The following TRIM37 variants were observed in gnomAD, a reference collection of about 807,000 sequenced individuals.
TRIM37 encodes the protein E3 ubiquitin-protein ligase TRIM37.
TRIM37 carries 80 observed loss-of-function variants against 129.8 expected under a neutral mutation model. That is an observed-to-expected ratio of 0.62 (90% CI 0.51 to 0.74). The LOEUF (loss-of-function observed/expected upper bound fraction) is 0.74, where lower values mean the gene tolerates loss of function less well. Ranked by LOEUF, TRIM37 falls within the 30% of genes least tolerant of loss-of-function variation. TRIM37 has a pLI of 0.00. For missense variants in TRIM37, 1,054 were observed against 1,176.5 expected, an observed-to-expected ratio of 0.90 and a Z score of 1.52; for synonymous variants, 389 against 387.1, an observed-to-expected ratio of 1.00 and a Z score of -0.06.
intron 13 of TRIM37, among the ~76,000 whole-genome samples, chr17:59,053,217 T>C (rs1475581615): frequency 6.6e-6 from 1 of 152,206 alleles, no homozygotes; most frequent in Non-Finnish European, 1.5e-5. Flanking sequence ...GCAGGTAAAA[T>C]TTCTTAACTT....
chr17:59,026,660 C>T (rs1277763231), intron 19 of TRIM37, among the ~76,000 whole-genome samples: 5 of 152,282 alleles, frequency 3.3e-5, no homozygotes, highest in African/African-American at 1.2e-4. Flanking sequence ...CAACAAGAAA[C>T]TATTGACCCC....
chr17:59,017,208 T>C (rs910602210), intron 20 of TRIM37, 88 bp downstream of exon 20: 11 of 1,530,548 alleles, frequency 7.2e-6, no homozygotes, highest in African/African-American at 1.4e-5. Flanking sequence ...TTTGGTGCCC[T>C]TCAAGATCTA....
At chr17:59,036,447 G>GGGTGT (rs1555656622) in intron 17 of TRIM37, among the ~76,000 whole-genome samples, 1 of 140,582 alleles carries the variant, frequency 7.1e-6, no homozygotes, top group Middle Eastern at 3.3e-3. Flanking sequence ...ATTTGCTGGG[G>GGGTGT]GTGTGTGTGT....
intron 18 of TRIM37, among the ~76,000 whole-genome samples, chr17:59,029,194 G>A (rs1052270795): frequency 3.9e-5 from 6 of 152,132 alleles, no homozygotes; most frequent in African/African-American, 1.4e-4. Context: ...TCAGGAGGCT[G>A]AGGTGAGAGA....
intron 4 of TRIM37, 22 bp from the exon 5 acceptor site, chr17:59,084,111 T>C: frequency 1.9e-6 from 3 of 1,583,454 alleles, no homozygotes; most frequent in African/African-American, 2.7e-5. Flanking sequence ...GAAAAGAAAA[T>C]GAAGTTATAA....
rs532786064 is a variant in TRIM37, at chr17:59,068,423, T to C, written c.809+2400A>G. 4.6e-5 allele frequency among the ~76,000 whole-genome samples: 7 copies of C among 152,294 alleles called. No individual in the cohort carries two copies. The East Asian group carries it at 5.8e-4, about 13-fold the overall frequency. ...ACTTAGGTCATCCATGCACCACACT[T>C]TGAATTGAAAAATACTAATTTTTAT... On this transcript the variant is annotated intron_variant, in intron 9 of 23. Coordinates refer to ENST00000262294, the MANE Select transcript of TRIM37 (RefSeq NM_015294.6).
intron 9 of TRIM37, among the ~76,000 whole-genome samples, chr17:59,070,442 G>GA (rs916814092): frequency 4.0e-5 from 6 of 149,794 alleles, no homozygotes; most frequent in South Asian, 2.1e-4. Context: ...GGAGCTCTTG[G>GA]AAAAAAAAAT....
At position 59,015,491 on chromosome 17, in the gene TRIM37, T is replaced by G. The variant is rs967466075; in HGVS notation, c.2576+119A>C. ...AAAATTTAGTGCAATAAATGTATTTTCTGTCCACTAAAAAATTAACAAGGT... is the reference window on the plus strand; with the variant it reads ...AAAATTTAGTGCAATAAATGTATTTGCTGTCCACTAAAAAATTAACAAGGT... On this transcript the variant is annotated intron_variant, in intron 21 of 23. Transcript: ENST00000262294. 7 of 1,051,348 alleles carry G rather than the reference T, an allele frequency of 6.7e-6. No homozygotes were observed. The South Asian group carries it at 9.4e-5, about 14-fold the overall frequency. The allele number at this position is 1,051,348 out of a possible 1,614,324, so 65.1% of individuals were successfully genotyped here. A position where few individuals can be genotyped will look rare whatever the true frequency, so the allele number is the denominator to read the frequency against.
At chr17:58,998,140 A>C (rs116695008), downstream of TRIM37, 12,033 of 845,646 alleles carry the variant, frequency 0.014, 125 homozygotes, top group Middle Eastern at 0.056. Context: ...TACACTACTA[A>C]TGAGGCAATG....
chr17:59,102,796 A>G (rs1403930083), intron 2 of TRIM37, among the ~76,000 whole-genome samples: 1 of 152,216 alleles, frequency 6.6e-6, no homozygotes, highest in Non-Finnish European at 1.5e-5. Context: ...GTGTGACTAG[A>G]AAAAAATTAT....
At chr17:59,028,364 T>C (rs376159168) in intron 19 of TRIM37, 51 bp downstream of exon 19, 28 of 1,553,584 alleles carry the variant, frequency 1.8e-5, no homozygotes, top group Non-Finnish European at 2.3e-5. Context: ...ACCAGTCATC[T>C]AGTTTCCCAA....
At chr17:59,031,814 A>G in intron 18 of TRIM37, 82 bp downstream of exon 18, 1 of 1,393,634 alleles carries the variant, frequency 7.2e-7, no homozygotes, top group Non-Finnish European at 1.0e-6. Context: ...TTCCACACAT[A>G]GCTGAAATAC....
chr17:59,085,483 T>C (rs762518497), intron 4 of TRIM37, among the ~76,000 whole-genome samples: 1 of 152,180 alleles, frequency 6.6e-6, no homozygotes, highest in South Asian at 2.1e-4. Context: ...ACTAGAGAAA[T>C]GTGAATCCTA....
chr17:59,101,364 A>T (rs1175025752), intron 2 of TRIM37, among the ~76,000 whole-genome samples: 1 of 152,170 alleles, frequency 6.6e-6, no homozygotes, highest in East Asian at 1.9e-4. Flanking sequence ...ACTGGAGATA[A>T]GAAAAGACTC....
chr17:59,101,695 TACACACACACAC>T (rs927750157), intron 2 of TRIM37, among the ~76,000 whole-genome samples: 1 of 89,670 alleles, frequency 1.1e-5, no homozygotes, highest in African/African-American at 4.3e-5. Context: ...TATATATATA[TACACACACACAC>T]ACACACACAC....
chr17:59,009,627 G>T (rs2035007063), intron 22 of TRIM37, among the ~76,000 whole-genome samples: 3 of 151,914 alleles, frequency 2.0e-5, no homozygotes, highest in Admixed American at 1.3e-4. Context: ...TGTATATTTA[G>T]TAAAGATGGG....
At chr17:58,970,571 A>G in the TRIM37 span, among the ~76,000 whole-genome samples, 1 of 152,312 alleles carries the variant, frequency 6.6e-6, no homozygotes, top group Non-Finnish European at 1.5e-5. Flanking sequence ...CCATTTTTTG[A>G]TAGCATAGTT....
intron 17 of TRIM37, among the ~76,000 whole-genome samples, chr17:59,037,427 G>A (rs62084381): frequency 0.16 from 24,401 of 151,130 alleles, 2,410 homozygotes; most frequent in Non-Finnish European, 0.21. Context: ...GCGTGGTGGC[G>A]GGCGCCTGTA....
At chr17:59,071,014 G>T in intron 8 of TRIM37, 67 bp from the exon 9 acceptor site, 1 of 1,567,888 alleles carries the variant, frequency 6.4e-7, no homozygotes, top group Non-Finnish European at 8.7e-7. Flanking sequence ...AAATTCTTAA[G>T]AAATTACAAA....
Sources: gnomAD v4.1 joint callset for allele counts (sites outside exome capture counted in the v4.1 genomes callset) on GRCh38, gnomAD v4.1.1 for gene constraint, MANE v1.5 for transcripts, NCBI Gene and HGNC (gene_info 2026-07-23, HGNC 2026-07-21) for gene names.